Variants in GOLT1B observed in about 807,000 individuals in gnomAD.
GOLT1B encodes vesicle transport protein GOT1B.
Under a neutral mutation model 15.4 loss-of-function variants are expected in GOLT1B, and 3 were observed. That is an observed-to-expected ratio of 0.19 (90% CI 0.09 to 0.50). GOLT1B has a LOEUF of 0.50. Among genes scored for constraint, GOLT1B ranks in the 20% least tolerant of loss-of-function variants. The probability of loss-of-function intolerance (pLI) is 0.97; values close to 1 mark genes in which losing one functional copy is unlikely to be tolerated. For missense variants in GOLT1B, 145 were observed against 160.4 expected (o/e 0.90, Z 0.52); for synonymous variants, 65 against 56.2 (o/e 1.16, Z -0.70).
intron 3 of GOLT1B, among the ~76,000 whole-genome samples, chr12:21,510,671 CAAAAT>C (rs976968222): frequency 1.3e-5 from 2 of 150,954 alleles, no homozygotes; most frequent in African/African-American, 4.9e-5. Flanking sequence ...ATACTTAAAA[CAAAAT>C]AAATGATCTT....
chr12:21,509,276 G>A (rs777434096), intron 3 of GOLT1B, among the ~76,000 whole-genome samples: 4 of 151,800 alleles, frequency 2.6e-5, no homozygotes, highest in East Asian at 2.0e-4. Flanking sequence ...GCAGGCGCCT[G>A]TAATCCTAGC....
intron 4 of GOLT1B, among the ~76,000 whole-genome samples, chr12:21,514,673 C>T (rs1186474880): frequency 2.0e-5 from 3 of 152,128 alleles, no homozygotes; most frequent in Non-Finnish European, 4.4e-5. Context: ...TCTGCAAATT[C>T]ATACAGTGGT....
At chr12:21,504,991 A>G (rs1355906572) in intron 1 of GOLT1B, among the ~76,000 whole-genome samples, 1 of 152,220 alleles carries the variant, frequency 6.6e-6, no homozygotes, top group East Asian at 1.9e-4. Flanking sequence ...GGTTAAGCAC[A>G]TGAGCTTTGG....
chr12:21,515,176 T>C (rs984843398), intron 4 of GOLT1B: 13 of 819,112 alleles, frequency 1.6e-5, no homozygotes, highest in Non-Finnish European at 2.4e-5. Context: ...ATTTAAAGTA[T>C]TTTTAGTCAA....
At chr12:21,508,919 A>AGATAGATAGATAGATAGATC (rs1555149887) in intron 3 of GOLT1B, among the ~76,000 whole-genome samples, 410 of 151,386 alleles carry the variant, frequency 2.7e-3, no homozygotes, top group East Asian at 0.012. Flanking sequence ...ATAGATAGAT[A>AGATAGATAGATAGATAGATC]GATCCAGCAT....
At chr12:21,507,854 T>C (rs1943690751) in intron 2 of GOLT1B, 1 of 423,674 alleles carries the variant, frequency 2.4e-6, no homozygotes, top group African/African-American at 2.1e-5. Flanking sequence ...CCACCAGATA[T>C]TCTAGAATTT....
intron 3 of GOLT1B, among the ~76,000 whole-genome samples, chr12:21,508,919 A>AGATAGATC (rs1555149887): frequency 0.1 from 15,768 of 151,276 alleles, 933 homozygotes; most frequent in African/African-American, 0.14. Flanking sequence ...ATAGATAGAT[A>AGATAGATC]GATCCAGCAT....
chr12:21,506,944 T>C lies in GOLT1B; in HGVS notation c.85T>C (p.Phe29Leu). The change falls in exon 2 of 5, where the codon TTT becomes CTT. Residue 29 changes from phenylalanine to leucine, a missense_variant. Phe to Leu is a conservative substitution (Grantham distance 22, BLOSUM62 0). Coordinates refer to ENST00000229314, the MANE Select transcript of GOLT1B (RefSeq NM_016072.5). ...VFFLFFGMIL[F>L]FDKALLAIGN... ...TTTCCTGTTCTTTGGAATGATTCTC[T>C]TTTTTGACAAAGCACTACTGGCTAT... The C allele has an allele frequency of 6.7e-7, 1 of 1,493,976 alleles. No homozygotes were observed. Among genetic ancestry groups the C allele is most frequent in the Non-Finnish European group, 9.3e-7 (1 of 1,073,270 alleles). 92.5% of individuals were successfully genotyped at this position (1,493,976 alleles called of 1,614,324 possible).
intron 1 of GOLT1B, among the ~76,000 whole-genome samples, chr12:21,504,311 G>A (rs1943662762): frequency 6.6e-6 from 1 of 152,134 alleles, no homozygotes; most frequent in Non-Finnish European, 1.5e-5. Context: ...GATAGCCAGA[G>A]GGCTTATGAA....
chr12:21,508,808 G>C (rs1017478173), intron 3 of GOLT1B, among the ~76,000 whole-genome samples: 4 of 152,004 alleles, frequency 2.6e-5, no homozygotes, highest in African/African-American at 9.7e-5. Context: ...GCATTTTAAG[G>C]CACCATCTTT....
rs1381544242 is a variant in GOLT1B, at chr12:21,508,499, C to G, written c.234C>G (p.Val78=). The G allele has an allele frequency of 1.3e-6, 2 of 1,586,762 alleles. No individual in the cohort carries two copies. Among genetic ancestry groups the G allele is most frequent in the East Asian group, 2.2e-5 (1 of 44,474 alleles). Residue 78 remains valine, a synonymous_variant, in exon 3 of 5, where the codon GTC becomes GTG. Transcript: ENST00000229314. ...TGFFLGGVFV[V]LIGWPLIGMI... is the part of the protein sequence containing the mutation. ...TTTTTCTGGGTGGTGTATTTGTAGTCCTTATTGGTTGGCCTTTGATAGGCA... is the reference window on the plus strand; with the variant it reads ...TTTTTCTGGGTGGTGTATTTGTAGTGCTTATTGGTTGGCCTTTGATAGGCA...
At chr12:21,507,946 A>G (rs562730299) in intron 2 of GOLT1B, 14 of 453,364 alleles carry the variant, frequency 3.1e-5, no homozygotes, top group Non-Finnish European at 6.2e-5. Flanking sequence ...ATCCATAGAA[A>G]CTCCTGTAGC....
intron 3 of GOLT1B, among the ~76,000 whole-genome samples, chr12:21,510,604 A>C (rs1442944318): frequency 6.6e-6 from 1 of 152,158 alleles, no homozygotes; most frequent in Admixed American, 6.5e-5. Flanking sequence ...GTTTTTCTAG[A>C]TATTTATAAC....
intron 1 of GOLT1B, chr12:21,504,707 T>TCTG: frequency 2.3e-6 from 1 of 429,104 alleles, no homozygotes; most frequent in Non-Finnish European, 4.7e-6. Context: ...CAGTGCTACC[T>TCTG]TTTACCTCAC....
At chr12:21,512,206 AACAGGAT>A in intron 3 of GOLT1B, 82 bp from the exon 4 acceptor site, 1 of 738,630 alleles carries the variant, frequency 1.4e-6, no homozygotes, top group South Asian at 1.6e-5. Flanking sequence ...TCAGAATTTT[AACAGGAT>A]ACTTTCTTTT....
intron 3 of GOLT1B, among the ~76,000 whole-genome samples, chr12:21,511,412 T>A (rs1344893266): frequency 6.7e-6 from 1 of 149,458 alleles, no homozygotes; most frequent in Non-Finnish European, 1.5e-5. Flanking sequence ...ACTGTCCTTT[T>A]GGGTTTTTAT....
intron 1 of GOLT1B, among the ~76,000 whole-genome samples, chr12:21,505,096 A>G (rs76442621): frequency 0.027 from 4,165 of 152,300 alleles, 78 homozygotes; most frequent in Non-Finnish European, 0.041. Context: ...ATCTTTAAAA[A>G]GATGTAATTA....
At chr12:21,504,316 T>A (rs945785504) in intron 1 of GOLT1B, among the ~76,000 whole-genome samples, 11 of 152,168 alleles carry the variant, frequency 7.2e-5, no homozygotes. Flanking sequence ...CCAGAGGGCT[T>A]ATGAATGCAT....
At chr12:21,502,241 A>C (rs907272191) in intron 1 of GOLT1B, among the ~76,000 whole-genome samples, 1 of 152,100 alleles carries the variant, frequency 6.6e-6, no homozygotes, top group African/African-American at 2.4e-5. Context: ...TGATCTCCTC[A>C]TCCCCAGTGA....
Sources: gnomAD v4.1 joint callset for allele counts (sites outside exome capture counted in the v4.1 genomes callset) on GRCh38, gnomAD v4.1.1 for gene constraint, MANE v1.5 for transcripts, NCBI Gene and HGNC (gene_info 2026-07-23, HGNC 2026-07-21) for gene names.